The following MTA3 variants were observed in gnomAD, a reference collection of about 807,000 sequenced individuals.
The protein encoded by MTA3 is metastasis-associated protein MTA3.
Under a neutral mutation model 83.5 loss-of-function variants are expected in MTA3, and 34 were observed. The observed-to-expected ratio is 0.41, with a 90% confidence interval of 0.31 to 0.54. MTA3 has a LOEUF of 0.54. Ranked by LOEUF, MTA3 falls within the 20% of genes least tolerant of loss-of-function variation. The probability of loss-of-function intolerance (pLI) is 0.33; values close to 1 mark genes in which losing one functional copy is unlikely to be tolerated. For synonymous variants in MTA3, 303 were observed against 252.7 expected, an observed-to-expected ratio of 1.20 and a Z score of -1.89; for missense variants, 761 against 726.4, an observed-to-expected ratio of 1.05 and a Z score of -0.55.
chr2:42,616,165 T>C (rs1684860488), intron 4 of MTA3, among the ~76,000 whole-genome samples: 1 of 152,208 alleles, frequency 6.6e-6, no homozygotes, highest in Non-Finnish European at 1.5e-5. Flanking sequence ...TTTCAAGCGA[T>C]TCTCCCACCT....
chr2:42,501,872 G>T (rs1170959354), intron 2 of MTA3, among the ~76,000 whole-genome samples: 3 of 152,128 alleles, frequency 2.0e-5, no homozygotes, highest in Non-Finnish European at 4.4e-5. Flanking sequence ...CAGCTGCTGG[G>T]GAGGCTAAGG....
chr2:42,619,726 T>C lies in MTA3; in HGVS notation c.317+10142T>C, dbSNP rs752553274. On this transcript the variant is annotated intron_variant, in intron 4 of 16. Coordinates refer to ENST00000405094, the MANE Select transcript of MTA3 (RefSeq NM_001330442.2). ...TAAGGATTTTTCAAATTATTATTTC[T>C]TTATGCCCAGATGTCCCCCAAGACT... Among the ~76,000 whole-genome samples the C allele has an allele frequency of 9.2e-5, 14 of 152,326 alleles. No individual in the cohort carries two copies. The South Asian group carries it at 1.7e-3, about 18-fold the overall frequency.
chr2:42,645,118 G>A (rs1688050411), intron 6 of MTA3, among the ~76,000 whole-genome samples: 1 of 146,572 alleles, frequency 6.8e-6, no homozygotes, highest in South Asian at 2.2e-4. Flanking sequence ...AGTTCTTGAA[G>A]GAAATTAAAA....
At chr2:42,610,977 CTTTTCTTTTTTT>C (rs1452619353) in intron 4 of MTA3, among the ~76,000 whole-genome samples, 1 of 146,620 alleles carries the variant, frequency 6.8e-6, no homozygotes, top group Non-Finnish European at 1.5e-5. Context: ...TATTTCTTTT[CTTTTCTTTTTTT>C]TTTTTTTTTT....
chr2:42,583,082 G>A (rs1186442475), intron 3 of MTA3, among the ~76,000 whole-genome samples: 1 of 151,952 alleles, frequency 6.6e-6, no homozygotes, highest in Non-Finnish European at 1.5e-5. Context: ...CCAAAAAACG[G>A]GGAGAAAAAA....
At chr2:42,605,682 C>A (rs1683221182) in intron 3 of MTA3, among the ~76,000 whole-genome samples, 2 of 132,192 alleles carry the variant, frequency 1.5e-5, no homozygotes, top group African/African-American at 5.8e-5. Context: ...CCCCACCTCC[C>A]TCCCGGATGG....
chr2:42,548,108 T>G (rs1053879873), intron 2 of MTA3, among the ~76,000 whole-genome samples: 1 of 152,202 alleles, frequency 6.6e-6, no homozygotes, highest in African/African-American at 2.4e-5. Context: ...CCCGTGACAT[T>G]ACAATCATCC....
intron 2 of MTA3, among the ~76,000 whole-genome samples, chr2:42,525,650 T>TC: frequency 7.5e-6 from 1 of 132,960 alleles, no homozygotes; most frequent in Non-Finnish European, 1.6e-5. Context: ...TTCTTTCTTT[T>TC]TTTCCTTCTT....
intron 9 of MTA3, among the ~76,000 whole-genome samples, chr2:42,684,506 A>C (rs1257748520): frequency 6.6e-6 from 1 of 152,216 alleles, no homozygotes; most frequent in Non-Finnish European, 1.5e-5. Context: ...TGAAAATTTA[A>C]AGTGCATTGG....
rs1670179449 is a variant in MTA3 at position 42,755,496 on chromosome 2, G to A, written c.*2097G>A. Reference sequence around the variant, plus strand: ...AGCTTGTTCGAGCCACGTGTGCCAAGCAGGCTTTTCCTTCCTCTTGTAAGT... The same window carrying A: ...AGCTTGTTCGAGCCACGTGTGCCAAACAGGCTTTTCCTTCCTCTTGTAAGT... On this transcript the variant is annotated 3_prime_UTR_variant, in exon 17 of 17. Coordinates refer to ENST00000405094, the MANE Select transcript of MTA3 (RefSeq NM_001330442.2). The A allele has an allele frequency of 1.0e-6, 1 of 985,496 alleles. No homozygotes were observed. The highest frequency in any genetic ancestry group is 1.2e-6 in the Non-Finnish European group (1 of 829,976). 61.0% of individuals were successfully genotyped at this position (985,496 alleles called of 1,614,324 possible). A position where few individuals can be genotyped will look rare whatever the true frequency, so the allele number is the denominator to read the frequency against.
chr2:42,563,796 C>A (rs1483232422), upstream of MTA3, among the ~76,000 whole-genome samples: 2 of 146,002 alleles, frequency 1.4e-5, no homozygotes, highest in Non-Finnish European at 3.0e-5. Context: ...TCCTTCCTTC[C>A]TTCCTTCCTT....
In MTA3 at chr2:42,579,113, A is replaced by G. The variant is rs1425106462; in HGVS notation, c.103A>G (p.Ser35Gly). The G allele has an allele frequency of 2.5e-6, 4 of 1,603,000 alleles. No homozygotes were observed. The highest frequency in any genetic ancestry group is 1.3e-5 in the African/African-American group (1 of 74,676). The change falls in exon 3 of 17, where the codon AGT becomes GGT. Residue 35 changes from serine (S) to glycine (G), a missense_variant. Transcript: ENST00000405094. Reference sequence around the variant, plus strand: ...TATTTTTCTTATCTCTTAGACTGCAAGTGGCAACGTGGAAGCAAAAGTAGT... The same window carrying G: ...TATTTTTCTTATCTCTTAGACTGCAGGTGGCAACGTGGAAGCAAAAGTAGT... ...RRIEELNKTA[S>G]GNVEAKVVCF... is the part of the protein sequence containing the mutation.
At chr2:42,585,433 A>G (rs1680153725) in intron 3 of MTA3, among the ~76,000 whole-genome samples, 1 of 151,584 alleles carries the variant, frequency 6.6e-6, no homozygotes, top group Non-Finnish European at 1.5e-5. Flanking sequence ...AGTTGAGTTC[A>G]GTAACAATAT....
intron 4 of MTA3, among the ~76,000 whole-genome samples, chr2:42,623,885 G>C (rs1573352192): frequency 6.6e-6 from 1 of 152,010 alleles, no homozygotes; most frequent in Non-Finnish European, 1.5e-5. Context: ...TAGAGACGGG[G>C]TTTCACCATG....
chr2:42,558,560 T>A lies in MTA3; in HGVS notation c.-140-11877T>A, dbSNP rs553467696. Among the ~76,000 whole-genome samples the A allele has an allele frequency of 5.5e-3, 746 of 134,652 alleles. 16 individuals are homozygous for A. Among genetic ancestry groups the A allele is most frequent in the African/African-American group, 2.8e-3 (84 of 30,516 alleles). The allele number at this position is 134,652 out of a possible 152,430, so 88.3% of individuals were successfully genotyped here. A position where few individuals can be genotyped will look rare whatever the true frequency, so the allele number is the denominator to read the frequency against. ...GCACCACACCCAGCCTTTAAAAAAA[T>A]TTTTTTTTTTTTTGAGACAGAGTCT... On this transcript the variant is annotated intron_variant, in intron 2 of 17. Transcript: ENST00000405592.
Position 42,618,148 on chromosome 2 carries a change from A to G in MTA3, c.317+8564A>G, listed in dbSNP as rs777798900. 5.9e-5 allele frequency among the ~76,000 whole-genome samples: 9 copies of G among 152,010 alleles called. No homozygotes were observed. In the East Asian group the frequency reaches 7.8e-4, roughly 13 times the overall value. On this transcript the variant is annotated intron_variant, in intron 4 of 16. Coordinates refer to ENST00000405094, the MANE Select transcript of MTA3 (RefSeq NM_001330442.2). ...GTTTTGTTGGAGAGAAGGTCTCACT[A>G]TGTTGCCCAGGCTGGTCTTGAACAC...
At chr2:42,675,703 A>G (rs367934186) in intron 8 of MTA3, among the ~76,000 whole-genome samples, 1 of 152,174 alleles carries the variant, frequency 6.6e-6, no homozygotes, top group East Asian at 1.9e-4. Context: ...TATCTTACTG[A>G]TAAACCGCAA....
chr2:42,496,482 G>C (rs563772648), intron 2 of MTA3, among the ~76,000 whole-genome samples: 1 of 151,814 alleles, frequency 6.6e-6, no homozygotes, highest in African/African-American at 2.4e-5. Flanking sequence ...ATTACATCCA[G>C]ATTCTCTCCT....
At position 42,711,783 on chromosome 2, in the gene MTA3, A is replaced by AGAGTGTGTGTGT. The variant is rs1553393294; in HGVS notation, c.1525+2688_1525+2689insAGTGTGTGTGTG. 9.0e-4 allele frequency among the ~76,000 whole-genome samples: 133 copies of AGAGTGTGTGTGT among 147,742 alleles called. 1 individual carries two copies. Among genetic ancestry groups the AGAGTGTGTGTGT allele is most frequent in the African/African-American group, 3.2e-3 (128 of 39,484 alleles). ...CTGGGAGTGTATAGGAGAGAGAGAGAGTGTGTGTGTGTGTGTGTGTGTGTG... is the reference window on the plus strand; with the variant it reads ...CTGGGAGTGTATAGGAGAGAGAGAGAGAGTGTGTGTGTGTGTGTGTGTGTGTGTGTGTGTGTG... On this transcript the variant is annotated intron_variant, in intron 14 of 16. Transcript: ENST00000405094.
Sources: allele counts gnomAD v4.1 joint callset (sites outside exome capture counted in the v4.1 genomes callset), GRCh38; gene constraint gnomAD v4.1.1; transcripts MANE v1.5; gene names NCBI Gene and HGNC (gene_info 2026-07-23, HGNC 2026-07-21).